KATNAL2: variants seen among roughly 807,000 people sequenced by gnomAD.
KATNAL2 encodes the protein katanin p60 ATPase-containing subunit A-like 2.
A neutral mutation model predicts 76.3 loss-of-function variants in KATNAL2; 52 were observed. The observed-to-expected ratio is 0.68, with a 90% confidence interval of 0.55 to 0.86. KATNAL2 has a LOEUF of 0.86. Ranked by LOEUF, KATNAL2 falls within the 40% of genes least tolerant of loss-of-function variation. KATNAL2 has a pLI of 0.00. For synonymous variants in KATNAL2, 243 were observed against 244.2 expected, an observed-to-expected ratio of 1.00 and a Z score of 0.05; for missense variants, 660 against 668.9, an observed-to-expected ratio of 0.99 and a Z score of 0.15.
At chr18:47,071,907 A>T (rs867188672) in intron 13 of KATNAL2, among the ~76,000 whole-genome samples, 33 of 132,230 alleles carry the variant, frequency 2.5e-4, no homozygotes, top group African/African-American at 5.5e-4. Context: ...AAAATTAATT[A>T]AAAAAAAAAA....
intron 4 of KATNAL2, 136 bp from the exon 5 acceptor site, chr18:47,052,744 C>T: frequency 1.7e-6 from 1 of 578,310 alleles, no homozygotes; most frequent in Non-Finnish European, 2.9e-6. Flanking sequence ...ACCTCCTATG[C>T]ACATACTAGT....
At chr18:47,079,898 G>A (rs1274662082) in intron 15 of KATNAL2, among the ~76,000 whole-genome samples, 4 of 152,328 alleles carry the variant, frequency 2.6e-5, no homozygotes, top group African/African-American at 4.8e-5. Context: ...GGTATGTGAT[G>A]TCTTGTTGCT....
chr18:47,070,301 A>C (rs1260455155), intron 13 of KATNAL2, among the ~76,000 whole-genome samples: 2 of 151,786 alleles, frequency 1.3e-5, no homozygotes, highest in Non-Finnish European at 2.9e-5. Flanking sequence ...GGGTTTCATC[A>C]TGTTGGCCAG....
At chr18:47,072,344 C>T (rs566060772) in intron 13 of KATNAL2, among the ~76,000 whole-genome samples, 8 of 152,342 alleles carry the variant, frequency 5.3e-5, no homozygotes, top group Non-Finnish European at 8.8e-5. Flanking sequence ...GCCCTCTCTG[C>T]AGAGGCAACT....
At chr18:46,928,938 G>A (rs1303210893) in intron 1 of KATNAL2, among the ~76,000 whole-genome samples, 2 of 151,990 alleles carry the variant, frequency 1.3e-5, no homozygotes, top group African/African-American at 4.8e-5. Flanking sequence ...TGTTATTACA[G>A]GCATGCGCCA....
chr18:46,934,625 T>C (rs1448291896), intron 1 of KATNAL2, among the ~76,000 whole-genome samples: 1 of 152,212 alleles, frequency 6.6e-6, no homozygotes, highest in Non-Finnish European at 1.5e-5. Flanking sequence ...GCTAGTTTCT[T>C]TTGCTGTGCA....
At chr18:47,031,405 TTG>T (rs2060427623) in intron 3 of KATNAL2, among the ~76,000 whole-genome samples, 1 of 152,148 alleles carries the variant, frequency 6.6e-6, no homozygotes, top group Non-Finnish European at 1.5e-5. Context: ...GTGACTTTTT[TTG>T]TGTCTCTCTG....
chr18:46,961,606 A>G (rs1177180005), intron 3 of KATNAL2, among the ~76,000 whole-genome samples: 1 of 152,232 alleles, frequency 6.6e-6, no homozygotes, highest in Non-Finnish European at 1.5e-5. Flanking sequence ...AAATACAGAC[A>G]TAGGATTAAA....
At chr18:46,945,518 T>C (rs896837076) in intron 1 of KATNAL2, among the ~76,000 whole-genome samples, 2 of 152,170 alleles carry the variant, frequency 1.3e-5, no homozygotes, top group Non-Finnish European at 2.9e-5. Flanking sequence ...GGGTTGCCTG[T>C]ATCCAGGTGG....
intron 3 of KATNAL2, among the ~76,000 whole-genome samples, chr18:47,032,371 T>C (rs1401238688): frequency 6.6e-6 from 1 of 152,176 alleles, no homozygotes; most frequent in African/African-American, 2.4e-5. Context: ...CTCAGCCCTT[T>C]AAGAAGCTGG....
intron 3 of KATNAL2, among the ~76,000 whole-genome samples, chr18:46,957,893 T>A (rs1391483103): frequency 3.9e-5 from 6 of 151,938 alleles, no homozygotes; most frequent in Non-Finnish European, 8.8e-5. Flanking sequence ...AGACGGGGTT[T>A]CACCATATTG....
At chr18:47,052,685 A>G (rs2061369639) in intron 4 of KATNAL2, among the ~76,000 whole-genome samples, 195 bp from the exon 5 acceptor site, 1 of 152,232 alleles carries the variant, frequency 6.6e-6, no homozygotes. Flanking sequence ...ACTGCTTTGA[A>G]AGATAATAGT....
chr18:47,098,351 G>A (rs984670329), intron 15 of KATNAL2: 15 of 242,736 alleles, frequency 6.2e-5, no homozygotes, highest in South Asian at 5.2e-4. Flanking sequence ...ATGGCGGGGG[G>A]CAAAAGACAC....
chr18:47,097,118 CAAAAAAAAA>C (rs58101085), intron 15 of KATNAL2, among the ~76,000 whole-genome samples: 2 of 70,908 alleles, frequency 2.8e-5, no homozygotes, highest in African/African-American at 8.7e-5. Flanking sequence ...GACCCTGGCT[CAAAAAAAAA>C]AAAAAAAAAA....
chr18:47,095,807 T>C (rs2063208185), intron 15 of KATNAL2, among the ~76,000 whole-genome samples: 3 of 152,208 alleles, frequency 2.0e-5, no homozygotes, highest in African/African-American at 7.2e-5. Context: ...CTGTATATTA[T>C]TGCTGAGTAT....
intron 13 of KATNAL2, among the ~76,000 whole-genome samples, chr18:47,074,219 C>G (rs1322109420): frequency 6.6e-6 from 1 of 152,176 alleles, no homozygotes; most frequent in Non-Finnish European, 1.5e-5. Context: ...TCCTATAAAA[C>G]AGGATTCTGT....
intron 13 of KATNAL2, among the ~76,000 whole-genome samples, chr18:47,070,290 AG>A (rs1299839879): frequency 6.6e-6 from 1 of 151,776 alleles, no homozygotes; most frequent in African/African-American, 2.4e-5. Context: ...AGTAAAAAAA[AG>A]GGTTTCATCA....
intron 1 of KATNAL2, among the ~76,000 whole-genome samples, chr18:46,937,161 G>A (rs2059118084): frequency 1.3e-5 from 2 of 152,012 alleles, no homozygotes; most frequent in Non-Finnish European, 1.5e-5. Context: ...CTCTTGATAT[G>A]GTCTGATGAG....
intron 4 of KATNAL2, among the ~76,000 whole-genome samples, chr18:47,050,395 C>A (rs993778178): frequency 6.6e-6 from 1 of 152,084 alleles, no homozygotes; most frequent in Admixed American, 6.6e-5. Flanking sequence ...TAATTAGAAA[C>A]GAAGACAATG....
Sources: gnomAD v4.1 joint callset for allele counts (sites outside exome capture counted in the v4.1 genomes callset) on GRCh38, gnomAD v4.1.1 for gene constraint, MANE v1.5 for transcripts, NCBI Gene and HGNC (gene_info 2026-07-23, HGNC 2026-07-21) for gene names.